FOXD3: variants seen among roughly 807,000 people sequenced by gnomAD.
The protein encoded by FOXD3 is forkhead box protein D3.
FOXD3 carries 3 observed loss-of-function variants against 3.6 expected under a neutral mutation model. The observed-to-expected ratio is 0.84, with a 90% CI of 0.38 to 2.18. The LOEUF is 2.18. Among genes scored for constraint, FOXD3 ranks in the 30% most tolerant of loss-of-function variants. The pLI is 0.06. For missense variants in FOXD3, 686 were observed against 731.6 expected (o/e 0.94, Z 0.72); for synonymous variants, 391 against 360.9 (o/e 1.08, Z -0.94).
In FOXD3 at chr1:63,323,872, G is replaced by A; in HGVS notation, c.814G>A (p.Gly272Ser). The A allele has an allele frequency of 8.4e-6, 13 of 1,543,490 alleles. No individual in the cohort carries two copies. Among genetic ancestry groups the A allele is most frequent in the Non-Finnish European group, 1.1e-5 (13 of 1,151,678 alleles). Residue 272 changes from glycine to serine, a missense_variant, in exon 1 of 1, where the codon GGC becomes AGC. Gly to Ser is a moderately conservative substitution (Grantham distance 56). Around this residue, in one of 3 missense-constraint regions of FOXD3, gnomAD observed 370 missense variants for 372.3 expected, o/e 0.99. Coordinates refer to ENST00000371116, the MANE Select transcript of FOXD3 (RefSeq NM_012183.3). This position sits in a 1 kb window ranked among gnomAD's most constrained non-coding sequence, Gnocchi z 6.8. ...AAAAGAAGPY[G>S]RPYGLHPAAA... is the part of the protein sequence containing the mutation. ...GGCGGCCGGCGCCGCGGGACCCTAC[G>A]GCCGCCCCTACGGCCTGCACCCTGC...
At position 63,323,364 on chromosome 1, in the gene FOXD3, C is replaced by T; in HGVS notation, c.306C>T (p.Asp102=). Residue 102 remains aspartate, a synonymous_variant, in exon 1 of 1, where the codon GAC becomes GAT. Transcript: ENST00000371116. This position sits in a 1 kb window ranked among gnomAD's most constrained non-coding sequence, Gnocchi z 6.8. ...GCGACGTGGGCGCGCCGGAGGCGGA[C>T]GGCTGCAAGGGCGGTGTTGGCGGCG... is the stretch of plus-strand genomic sequence containing the variant. ...PGGDVGAPEA[D]GCKGGVGGEE... is the part of the protein sequence containing the mutation. 2.2e-6 allele frequency: 3 copies of T among 1,349,326 alleles called. No homozygotes were observed. Among genetic ancestry groups the T allele is most frequent in the South Asian group, 2.0e-5 (1 of 48,954 alleles). The allele number at this position is 1,349,326 out of a possible 1,614,324, so 83.6% of individuals were successfully genotyped here.
chr1:63,323,276 C>G lies in FOXD3; in HGVS notation c.218C>G (p.Pro73Arg), dbSNP rs1174935249. Residue 73 changes from proline (P) to arginine (R), a missense_variant, in exon 1 of 1, where the codon CCG becomes CGG. Pro to Arg is a moderately radical substitution (Grantham distance 103). Coordinates refer to ENST00000371116, the MANE Select transcript of FOXD3 (RefSeq NM_012183.3). This position sits in a 1 kb window ranked among gnomAD's most constrained non-coding sequence, Gnocchi z 6.8. ...GCACCCCATCACGGACAGCCTCAGC[C>G]GCCCCACCAGCAGCCCCTGACATTG... ...PAAPHHGQPQ[P>R]PHQQPLTLPK... 1.3e-6 allele frequency: 2 copies of G among 1,493,584 alleles called. No individual in the cohort carries two copies. The highest frequency in any genetic ancestry group is 5.7e-5 in the East Asian group (2 of 34,892). The allele number at this position is 1,493,584 out of a possible 1,614,324, so 92.5% of individuals were successfully genotyped here.
chr1:63,322,657 C>G lies in FOXD3; in HGVS notation c.-402C>G, dbSNP rs1647032243. 6 of 965,478 alleles carry G rather than the reference C, an allele frequency of 6.2e-6. No individual in the cohort carries two copies. The highest frequency in any genetic ancestry group is 7.4e-6 in the Non-Finnish European group (6 of 812,000). The allele number at this position is 965,478 out of a possible 1,614,324, so 59.8% of individuals were successfully genotyped here. A position where few individuals can be genotyped will look rare whatever the true frequency, so the allele number is the denominator to read the frequency against. On this transcript the variant is annotated 5_prime_UTR_variant, in exon 1 of 1. Transcript: ENST00000371116. Reference sequence around the variant, plus strand: ...GCTACTGTCCCTGCCCGCGCCCTCCCGAGCTGCTCGGCGCCCGGCGTCCCG... The same window carrying G: ...GCTACTGTCCCTGCCCGCGCCCTCCGGAGCTGCTCGGCGCCCGGCGTCCCG...
In FOXD3 at chr1:63,323,145, C is replaced by T; in HGVS notation, c.87C>T (p.Gly29=). ...TAEDVDIDVV[G]EGDDGLEEKD... is the part of the protein sequence containing the mutation. ...AGGACGTGGACATCGATGTGGTGGG[C>T]GAGGGCGACGACGGGCTGGAAGAGA... Residue 29 remains glycine, a synonymous_variant, in exon 1 of 1, where the codon GGC becomes GGT. Coordinates refer to ENST00000371116, the MANE Select transcript of FOXD3 (RefSeq NM_012183.3). The surrounding 1 kb of genome is among the most constrained non-coding windows in gnomAD (Gnocchi z 6.8). 1 of 1,568,644 alleles carries T rather than the reference C, an allele frequency of 6.4e-7. No individual in the cohort carries two copies.
Position 63,324,088 on chromosome 1 carries a change from C to A in FOXD3, c.1030C>A (p.Gln344Lys). 7.0e-7 allele frequency: 1 copy of A among 1,424,656 alleles called. No homozygotes were observed. The highest frequency in any genetic ancestry group is 9.1e-7 in the Non-Finnish European group (1 of 1,101,918). The allele number at this position is 1,424,656 out of a possible 1,614,324, so 88.3% of individuals were successfully genotyped here. Residue 344 changes from glutamine to lysine, a missense_variant, in exon 1 of 1, where the codon CAG (glutamine) becomes AAG (lysine). Transcript: ENST00000371116. The surrounding 1 kb of genome is among the most constrained non-coding windows in gnomAD (Gnocchi z 4.1). ...GSQLGPGLQL[Q>K]LNSLGAAAAA... Reference sequence around the variant, plus strand: ...ACAGCTCGGCCCGGGCCTGCAGCTGCAGCTCAATAGCCTGGGCGCCGCCGC... The same window carrying A: ...ACAGCTCGGCCCGGGCCTGCAGCTGAAGCTCAATAGCCTGGGCGCCGCCGC...
In FOXD3 at chr1:63,324,372, C is replaced by A. The variant is rs1262916951; in HGVS notation, c.1314C>A (p.Ser438Arg). The change falls in exon 1 of 1, where the codon AGC (serine) becomes AGA (arginine). Residue 438 changes from serine to arginine, a missense_variant. Physicochemically the swap from Ser to Arg is moderately radical, Grantham distance 110. Around this residue, in one of 3 missense-constraint regions of FOXD3, gnomAD observed 370 missense variants for 372.3 expected, o/e 0.99. Transcript: ENST00000371116. This position sits in a 1 kb window ranked among gnomAD's most constrained non-coding sequence, Gnocchi z 4.1. Reference sequence around the variant, plus strand: ...CCACCCACCAACCGCTGTCGCTGAGCCGGACGACTGCCACCATCGCGCCCA... The same window carrying A: ...CCACCCACCAACCGCTGTCGCTGAGACGGACGACTGCCACCATCGCGCCCA... Reference protein sequence around the residue: ...LMATHQPLSLSRTTATIAPIL... With the variant: ...LMATHQPLSLRRTTATIAPIL... 6.3e-7 allele frequency: 1 copy of A among 1,588,878 alleles called. No homozygotes were observed. Among genetic ancestry groups the A allele is most frequent in the Non-Finnish European group, 8.5e-7 (1 of 1,176,132 alleles).
In FOXD3 at chr1:63,322,753, C is replaced by T. The variant is rs1647033719; in HGVS notation, c.-306C>T. ...GAGGAAGGCGGGCTAAGTGAGGGGG[C>T]GCGGCGTGGAGAACCGCCGGGGCCG... On this transcript the variant is annotated 5_prime_UTR_variant, in exon 1 of 1. Transcript: ENST00000371116. 1.0e-6 allele frequency: 1 copy of T among 985,262 alleles called. No individual in the cohort carries two copies. The highest frequency in any genetic ancestry group is 4.7e-5 in the South Asian group (1 of 21,294). 61.0% of individuals were successfully genotyped at this position (985,262 alleles called of 1,614,324 possible).
Position 63,323,365 on chromosome 1 carries a change from G to A in FOXD3, c.307G>A (p.Gly103Ser), listed in dbSNP as rs546862550. ...GGDVGAPEAD[G>S]CKGGVGGEEG... Reference sequence around the variant, plus strand: ...CGACGTGGGCGCGCCGGAGGCGGACGGCTGCAAGGGCGGTGTTGGCGGCGA... The same window carrying A: ...CGACGTGGGCGCGCCGGAGGCGGACAGCTGCAAGGGCGGTGTTGGCGGCGA... The change falls in exon 1 of 1, where the codon GGC becomes AGC. Residue 103 changes from glycine (G) to serine (S), a missense_variant. By Grantham distance (56) the Gly-to-Ser change is moderately conservative. This residue lies in a region of FOXD3 where 232 missense variants were observed against 214.0 expected (regional missense o/e 1.08). Coordinates refer to ENST00000371116, the MANE Select transcript of FOXD3 (RefSeq NM_012183.3). The surrounding 1 kb of genome is among the most constrained non-coding windows in gnomAD (Gnocchi z 6.8). The A allele has an allele frequency of 6.7e-4, 901 of 1,344,858 alleles. 4 individuals carry two copies. In the African/African-American group the frequency reaches 0.012, roughly 18 times the overall value. The allele number at this position is 1,344,858 out of a possible 1,614,324, so 83.3% of individuals were successfully genotyped here.
Position 63,323,376 on chromosome 1 carries a change from C to T in FOXD3, c.318C>T (p.Gly106=). 1.5e-6 allele frequency: 2 copies of T among 1,372,330 alleles called. No individual in the cohort carries two copies. Among genetic ancestry groups the T allele is most frequent in the Non-Finnish European group, 1.9e-6 (2 of 1,066,488 alleles). The allele number at this position is 1,372,330 out of a possible 1,614,324, so 85.0% of individuals were successfully genotyped here. Residue 106 remains glycine, a synonymous_variant, in exon 1 of 1, where the codon GGC becomes GGT. Coordinates refer to ENST00000371116, the MANE Select transcript of FOXD3 (RefSeq NM_012183.3). This position sits in a 1 kb window ranked among gnomAD's most constrained non-coding sequence, Gnocchi z 6.8. The stretch of plus-strand genomic sequence containing the variant: ...CGCCGGAGGCGGACGGCTGCAAGGG[C>T]GGTGTTGGCGGCGAGGAGGGCGGCG... ...VGAPEADGCK[G]GVGGEEGGAS...
chr1:63,323,722 G>T lies in FOXD3; in HGVS notation c.664G>T (p.Glu222Ter). The T allele has an allele frequency of 6.2e-7, 1 of 1,613,978 alleles. No homozygotes were observed. The highest frequency in any genetic ancestry group is 1.1e-5 in the South Asian group (1 of 91,074). Residue 222 changes from glutamate to a stop codon, truncating the protein, a stop_gained, in exon 1 of 1, where the codon GAG (glutamate) becomes TAG (stop). Transcript: ENST00000371116. LOFTEE classifies it low-confidence loss of function (END_TRUNC). The surrounding 1 kb of genome is among the most constrained non-coding windows in gnomAD (Gnocchi z 6.8). ...GNYWTLDPQS[E>*]DMFDNGSFLR... is the part of the protein sequence containing the mutation. ...CTACTGGACCCTGGACCCGCAGTCC[G>T]AGGACATGTTCGACAACGGCAGCTT... is the stretch of plus-strand genomic sequence containing the variant.
Position 63,324,241 on chromosome 1 carries a change from G to A in FOXD3, c.1183G>A (p.Ala395Thr). The A allele has an allele frequency of 6.9e-7, 1 of 1,446,220 alleles. No individual in the cohort carries two copies. Among genetic ancestry groups the A allele is most frequent in the Non-Finnish European group, 9.0e-7 (1 of 1,110,862 alleles). The allele number at this position is 1,446,220 out of a possible 1,614,324, so 89.6% of individuals were successfully genotyped here. The part of the protein sequence containing the change: ...GGGPAAPGGS[A>T]VGAGVAGGTG... ...GGGCCCCGCGGCTCCTGGGGGCTCG[G>A]CGGTGGGCGCTGGGGTCGCCGGCGG... Residue 395 changes from alanine (A) to threonine (T), a missense_variant, in exon 1 of 1, where the codon GCG (alanine) becomes ACG (threonine). Transcript: ENST00000371116. The surrounding 1 kb of genome is among the most constrained non-coding windows in gnomAD (Gnocchi z 4.1).
rs1345618976 is a variant in FOXD3 at position 63,323,664 on chromosome 1, C to A, written c.606C>A (p.Ile202=). 3 of 1,613,920 alleles carry A rather than the reference C, an allele frequency of 1.9e-6. No homozygotes were observed. The highest frequency in any genetic ancestry group is 1.7e-5 in the Admixed American group (1 of 59,996). The stretch of plus-strand genomic sequence containing the variant: ...CACTCAACGACTGCTTCGTCAAGAT[C>A]CCCCGCGAGCCGGGCAACCCGGGCA... ...NLSLNDCFVK[I]PREPGNPGKG... The change falls in exon 1 of 1, where the codon ATC becomes ATA. Residue 202 remains isoleucine, a synonymous_variant. Coordinates refer to ENST00000371116, the MANE Select transcript of FOXD3 (RefSeq NM_012183.3). The surrounding 1 kb of genome is among the most constrained non-coding windows in gnomAD (Gnocchi z 6.8).
In FOXD3 at chr1:63,324,374, G is replaced by C. The variant is rs748436975; in HGVS notation, c.1316G>C (p.Arg439Pro). Residue 439 changes from arginine to proline, a missense_variant, in exon 1 of 1, where the codon CGG becomes CCG. This residue lies in a region of FOXD3 where 370 missense variants were observed against 372.3 expected (regional missense o/e 0.99). Coordinates refer to ENST00000371116, the MANE Select transcript of FOXD3 (RefSeq NM_012183.3). This position sits in a 1 kb window ranked among gnomAD's most constrained non-coding sequence, Gnocchi z 4.1. ...MATHQPLSLS[R>P]TTATIAPILS... Reference sequence around the variant, plus strand: ...ACCCACCAACCGCTGTCGCTGAGCCGGACGACTGCCACCATCGCGCCCATT... The same window carrying C: ...ACCCACCAACCGCTGTCGCTGAGCCCGACGACTGCCACCATCGCGCCCATT... The C allele has an allele frequency of 3.1e-6, 5 of 1,588,900 alleles. No homozygotes were observed. The South Asian group carries it at 4.5e-5, about 14-fold the overall frequency.
At position 63,322,997 on chromosome 1, in the gene FOXD3, C is replaced by A; in HGVS notation, c.-62C>A. ...CCTCTTCCCCTGAGCTCCGTGGCAG[C>A]CCCCGAACACCCTCATCGCCCGCTG... On this transcript the variant is annotated 5_prime_UTR_variant, in exon 1 of 1. Transcript: ENST00000371116. 1 of 1,496,530 alleles carries A rather than the reference C, an allele frequency of 6.7e-7. No homozygotes were observed. Among genetic ancestry groups the A allele is most frequent in the South Asian group, 1.2e-5 (1 of 80,448 alleles). The allele number at this position is 1,496,530 out of a possible 1,614,324, so 92.7% of individuals were successfully genotyped here. A position where few individuals can be genotyped will look rare whatever the true frequency, so the allele number is the denominator to read the frequency against.
Position 63,324,377 on chromosome 1 carries a change from C to T in FOXD3, c.1319C>T (p.Thr440Met). The change falls in exon 1 of 1, where the codon ACG becomes ATG. Residue 440 changes from threonine (T) to methionine (M), a missense_variant. Around this residue, in one of 3 missense-constraint regions of FOXD3, gnomAD observed 370 missense variants for 372.3 expected, o/e 0.99. Transcript: ENST00000371116. This position sits in a 1 kb window ranked among gnomAD's most constrained non-coding sequence, Gnocchi z 4.1. ...ATHQPLSLSR[T>M]TATIAPILSV... ...CACCAACCGCTGTCGCTGAGCCGGACGACTGCCACCATCGCGCCCATTCTT... is the reference window on the plus strand; with the variant it reads ...CACCAACCGCTGTCGCTGAGCCGGATGACTGCCACCATCGCGCCCATTCTT... The T allele has an allele frequency of 1.3e-6, 2 of 1,588,800 alleles. No homozygotes were observed. Among genetic ancestry groups the T allele is most frequent in the Non-Finnish European group, 1.7e-6 (2 of 1,176,132 alleles).
chr1:63,324,473 A>T lies in FOXD3; in HGVS notation c.1415A>T (p.Gln472Leu), dbSNP rs1647060277. The T allele has an allele frequency of 6.5e-7, 1 of 1,540,516 alleles. No individual in the cohort carries two copies. Among genetic ancestry groups the T allele is most frequent in the African/African-American group, 1.4e-5 (1 of 72,884 alleles). The change falls in exon 1 of 1, where the codon CAA becomes CTA. Residue 472 changes from glutamine to leucine, a missense_variant. By Grantham distance (113) the Gln-to-Leu change is moderately radical. Coordinates refer to ENST00000371116, the MANE Select transcript of FOXD3 (RefSeq NM_012183.3). This position sits in a 1 kb window ranked among gnomAD's most constrained non-coding sequence, Gnocchi z 4.1. ...GCCGCCGCTGCTGCGGCCGCCGCTCAAGCCAAATGGCCGGCGCAATAGGGA... is the reference window on the plus strand; with the variant it reads ...GCCGCCGCTGCTGCGGCCGCCGCTCTAGCCAAATGGCCGGCGCAATAGGGA... ...SAAAAAAAAA[Q>L]AKWPAQ
chr1:63,323,144 G>T lies in FOXD3; in HGVS notation c.86G>T (p.Gly29Val). The change falls in exon 1 of 1, where the codon GGC (glycine) becomes GTC (valine). Residue 29 changes from glycine (G) to valine (V), a missense_variant. By Grantham distance (109) the Gly-to-Val change is moderately radical (BLOSUM62 -3). Coordinates refer to ENST00000371116, the MANE Select transcript of FOXD3 (RefSeq NM_012183.3). The surrounding 1 kb of genome is among the most constrained non-coding windows in gnomAD (Gnocchi z 6.8). ...GAGGACGTGGACATCGATGTGGTGGGCGAGGGCGACGACGGGCTGGAAGAG... is the reference window on the plus strand; with the variant it reads ...GAGGACGTGGACATCGATGTGGTGGTCGAGGGCGACGACGGGCTGGAAGAG... ...TAEDVDIDVV[G>V]EGDDGLEEKD... 6.4e-7 allele frequency: 1 copy of T among 1,570,634 alleles called. No homozygotes were observed. The highest frequency in any genetic ancestry group is 8.6e-7 in the Non-Finnish European group (1 of 1,160,444).
chr1:63,322,865 CGCCACGCGATGCGGGGCCGCCGA>C lies in FOXD3; in HGVS notation c.-192_-170del. The stretch of plus-strand genomic sequence containing the variant: ...CGCTGGGGGCGGACGGCAGAGCCCG[CGCCACGCGATGCGGGGCCGCCGA>C]GTGTGAGCTGAGCCCAGCGGGCCCC... On this transcript the variant is annotated 5_prime_UTR_variant, in exon 1 of 1. It removes an upstream start codon present in the reference 5' UTR. Coordinates refer to ENST00000371116, the MANE Select transcript of FOXD3 (RefSeq NM_012183.3). 3 of 985,374 alleles carry C rather than the reference CGCCACGCGATGCGGGGCCGCCGA, an allele frequency of 3.0e-6. No individual in the cohort carries two copies. Among genetic ancestry groups the C allele is most frequent in the Non-Finnish European group, 3.6e-6 (3 of 829,910 alleles). 61.0% of individuals were successfully genotyped at this position (985,374 alleles called of 1,614,324 possible).
At position 63,323,526 on chromosome 1, in the gene FOXD3, G is replaced by A. The variant is rs766617360; in HGVS notation, c.468G>A (p.Gln156=). 1 of 1,614,142 alleles carries A rather than the reference G, an allele frequency of 6.2e-7. No homozygotes were observed. Among genetic ancestry groups the A allele is most frequent in the South Asian group, 1.1e-5 (1 of 91,086 alleles). The change falls in exon 1 of 1, where the codon CAG becomes CAA. Residue 156 remains glutamine (Q), a synonymous_variant. Transcript: ENST00000371116. This position sits in a 1 kb window ranked among gnomAD's most constrained non-coding sequence, Gnocchi z 6.8. ...YIALITMAIL[Q]SPQKKLTLSG... ...CGCTCATCACCATGGCCATCCTGCA[G>A]AGCCCGCAGAAGAAGCTGACCCTGA... is the stretch of plus-strand genomic sequence containing the variant.
Sources: allele counts gnomAD v4.1 joint callset, GRCh38; gene constraint gnomAD v4.1.1; regional missense constraint gnomAD v4.1.1; non-coding constraint Gnocchi (gnomAD v3.1); transcripts MANE v1.5; gene names NCBI Gene and HGNC (gene_info 2026-07-23, HGNC 2026-07-21).